EXD3: variants seen among roughly 807,000 people sequenced by gnomAD.
EXD3 encodes the protein exonuclease mut-7 homolog.
EXD3 carries 92 observed loss-of-function variants against 98.0 expected under a neutral mutation model. That is an observed-to-expected ratio of 0.94 (90% CI 0.79 to 1.12). EXD3 has a LOEUF of 1.12. Among genes scored for constraint, EXD3 ranks in the 50% most tolerant of loss-of-function variants. EXD3 has a pLI of 0.00. For missense variants in EXD3, 1,222 were observed against 1,191.6 expected (o/e 1.03, Z -0.38); for synonymous variants, 569 against 526.0 (o/e 1.08, Z -1.12).
chr9:137,371,743 C>T lies in EXD3; in HGVS notation c.462+1162G>A, dbSNP rs781058768. On this transcript the variant is annotated intron_variant, in intron 5 of 21. Coordinates refer to ENST00000340951, the MANE Select transcript of EXD3 (RefSeq NM_017820.5). This position sits in a 1 kb window ranked among gnomAD's most constrained non-coding sequence, Gnocchi z 8.0. ...ACCCCTGGGCCAAGCACCCCCGGGC[C>T]GAGCACCCCCAAGCAGGACATCCCC... is the stretch of plus-strand genomic sequence containing the variant. 4.6e-5 allele frequency among the ~76,000 whole-genome samples: 7 copies of T among 150,846 alleles called. No individual in the cohort carries two copies. Among genetic ancestry groups the T allele is most frequent in the East Asian group, 2.0e-4 (1 of 5,094 alleles).
rs556273989 is a variant in EXD3, at chr9:137,405,001, G to T, written c.-47-9597C>A. On this transcript the variant is annotated intron_variant, in intron 1 of 21. Transcript: ENST00000340951. The surrounding 1 kb of genome is among the most constrained non-coding windows in gnomAD (Gnocchi z 4.1). ...CACAGCCCTCCCAGGTGCTCGAGGG[G>T]ACACAGTGCTATCCCCCAGGCGAGC... Among the ~76,000 whole-genome samples, 7 of 152,268 alleles carry T rather than the reference G, an allele frequency of 4.6e-5. No homozygotes were observed. The South Asian group carries it at 1.4e-3, about 32-fold the overall frequency.
intron 2 of EXD3, among the ~76,000 whole-genome samples, chr9:137,383,832 G>T (rs186027629): frequency 6.7e-6 from 1 of 149,412 alleles, no homozygotes; most frequent in African/African-American, 2.4e-5. Flanking sequence ...CTCCCGCGCC[G>T]CCCCCTCCCT....
chr9:137,404,186 C>T (rs1837610331), intron 1 of EXD3, among the ~76,000 whole-genome samples: 1 of 152,216 alleles, frequency 6.6e-6, no homozygotes, highest in Non-Finnish European at 1.5e-5. Context: ...TGCCAAGACC[C>T]CATCTCCAAA....
rs1043463740 is a variant in EXD3, at chr9:137,407,061, C to T, written c.-47-11657G>A. On this transcript the variant is annotated intron_variant, in intron 1 of 21. Coordinates refer to ENST00000340951, the MANE Select transcript of EXD3 (RefSeq NM_017820.5). The surrounding 1 kb of genome is among the most constrained non-coding windows in gnomAD (Gnocchi z 4.4). ...CAGAACGCTCGCCAGCAAACCCGCC[C>T]GTTCACAGAGGCACCGGAGCGGGCG... is the stretch of plus-strand genomic sequence containing the variant. Among the ~76,000 whole-genome samples, 3 of 152,300 alleles carry T rather than the reference C, an allele frequency of 2.0e-5. No homozygotes were observed. In the South Asian group the frequency reaches 6.2e-4, roughly 32 times the overall value.
At chr9:137,362,671 A>T (rs1303184750) in intron 7 of EXD3, among the ~76,000 whole-genome samples, 1 of 152,046 alleles carries the variant, frequency 6.6e-6, no homozygotes, top group South Asian at 2.1e-4. Flanking sequence ...CCCTTTGCCC[A>T]TTTTAACTTG....
intron 1 of EXD3, among the ~76,000 whole-genome samples, chr9:137,422,283 GAGAA>G (rs1035192398): frequency 6.6e-6 from 1 of 152,068 alleles, no homozygotes; most frequent in Non-Finnish European, 1.5e-5. Context: ...GGGGGCAAAT[GAGAA>G]AGAAAAAAAT....
chr9:137,378,751 C>T (rs1836041833), intron 3 of EXD3, among the ~76,000 whole-genome samples: 1 of 152,250 alleles, frequency 6.6e-6, no homozygotes, highest in South Asian at 2.1e-4. Flanking sequence ...CAAAAGACCC[C>T]ATGTTATGTG....
At chr9:137,365,736 A>C (rs930033523) in intron 7 of EXD3, 1 of 316,452 alleles carries the variant, frequency 3.2e-6, no homozygotes, top group East Asian at 8.3e-5. Context: ...ACACACACCT[A>C]CAGGCACACA....
chr9:137,383,892 C>T (rs1033087472), intron 2 of EXD3, among the ~76,000 whole-genome samples: 1 of 152,218 alleles, frequency 6.6e-6, no homozygotes, highest in African/African-American at 2.4e-5. Context: ...AAGTGCCAAC[C>T]AAAGACGCTG....
chr9:137,367,498 T>A (rs956239586), intron 6 of EXD3: 4 of 161,088 alleles, frequency 2.5e-5, no homozygotes, highest in African/African-American at 9.6e-5. Context: ...GGATCTGCCA[T>A]CCCTGCAGAC....
rs1380196876 is a variant in EXD3 at position 137,330,590 on chromosome 9, A to G, written c.1999-6447T>C. Among the ~76,000 whole-genome samples, 13 of 125,796 alleles carry G rather than the reference A, an allele frequency of 1.0e-4. 1 individual carries two copies. The highest frequency in any genetic ancestry group is 4.0e-4 in the African/African-American group (13 of 32,838). The allele number at this position is 125,796 out of a possible 152,430, so 82.5% of individuals were successfully genotyped here. A position where few individuals can be genotyped will look rare whatever the true frequency, so the allele number is the denominator to read the frequency against. On this transcript the variant is annotated intron_variant, in intron 17 of 21. Coordinates refer to ENST00000340951, the MANE Select transcript of EXD3 (RefSeq NM_017820.5). ...CCACAGGAGCTACACAGGACTACAC[A>G]GGACTACACAGGACTACACAGGACT... is the stretch of plus-strand genomic sequence containing the variant.
Position 137,372,779 on chromosome 9 carries a change from G to A in EXD3, c.462+126C>T. On this transcript the variant is annotated intron_variant, in intron 5 of 21. Coordinates refer to ENST00000340951, the MANE Select transcript of EXD3 (RefSeq NM_017820.5). ...GATGGCTGCCCACGGCCGGGTCCTT[G>A]ATACCTCCATGTAGACCAGAAGCCC... The A allele has an allele frequency of 4.0e-6, 4 of 1,012,496 alleles. No individual in the cohort carries two copies. The South Asian group carries it at 6.5e-5, about 17-fold the overall frequency. 62.7% of individuals were successfully genotyped at this position (1,012,496 alleles called of 1,614,324 possible).
In EXD3 at chr9:137,348,145, C is replaced by T. The variant is rs1834033141; in HGVS notation, c.1924G>A (p.Ala642Thr). Residue 642 changes from alanine (A) to threonine (T), a missense_variant, in exon 17 of 22, where the codon GCA becomes ACA. Ala to Thr is a moderately conservative substitution (Grantham distance 58). Coordinates refer to ENST00000340951, the MANE Select transcript of EXD3 (RefSeq NM_017820.5). The stretch of plus-strand genomic sequence containing the variant: ...ACACCGAGACAGCGGAGGCTCCGTG[C>T]CAGCCCCTGCAGCATGTTGTCACAC... ...VVCDNMLQGL[A>T]RSLRCLGVDA... The T allele has an allele frequency of 6.2e-7, 1 of 1,612,030 alleles. No individual in the cohort carries two copies. Among genetic ancestry groups the T allele is most frequent in the Admixed American group, 1.7e-5 (1 of 59,958 alleles).
Position 137,349,149 on chromosome 9 carries a change from G to T in EXD3, c.1791C>A (p.Pro597=). 1 of 1,598,204 alleles carries T rather than the reference G, an allele frequency of 6.3e-7. No homozygotes were observed. The highest frequency in any genetic ancestry group is 8.5e-7 in the Non-Finnish European group (1 of 1,178,140). ...CCGGTGCTGACGCTTTCTGCAGGCC[G>T]GGTGGCTTCCGTGCCCCTGGTCTCT... ...HRERPGARKP[P]GLQKASAPAA... The change falls in exon 16 of 22, where the codon CCC becomes CCA. Residue 597 remains proline (P), a synonymous_variant. Transcript: ENST00000340951. The surrounding 1 kb of genome is among the most constrained non-coding windows in gnomAD (Gnocchi z 7.4).
Position 137,351,982 on chromosome 9 carries a change from C to T in EXD3, c.1173+84G>A, listed in dbSNP as rs75207837. The T allele has an allele frequency of 4.2e-4, 630 of 1,496,538 alleles. 2 individuals are homozygous for T. The African/African-American group carries it at 7.3e-3, about 17-fold the overall frequency. The allele number at this position is 1,496,538 out of a possible 1,614,324, so 92.7% of individuals were successfully genotyped here. On this transcript the variant is annotated intron_variant, in intron 12 of 21. Transcript: ENST00000340951. ...CATGCCCAGAGGCCTTGCCTCTCTC[C>T]GAATGCCATGCCCCTGATGCTCCTC...
chr9:137,332,646 A>C lies in EXD3; in HGVS notation c.1999-8503T>G, dbSNP rs187435673. On this transcript the variant is annotated intron_variant, in intron 17 of 21. Coordinates refer to ENST00000340951, the MANE Select transcript of EXD3 (RefSeq NM_017820.5). ...ATCACAAGGTCAGGAGATCGAGACCATCCTGGCTAAAACAGTGAAACCCCG... is the reference window on the plus strand; with the variant it reads ...ATCACAAGGTCAGGAGATCGAGACCCTCCTGGCTAAAACAGTGAAACCCCG... 7.8e-3 allele frequency among the ~76,000 whole-genome samples: 1,190 copies of C among 152,030 alleles called. 9 individuals are homozygous for C. Among genetic ancestry groups the C allele is most frequent in the African/African-American group, 0.012 (489 of 41,444 alleles).
chr9:137,325,717 G>A (rs1027320416), intron 17 of EXD3, among the ~76,000 whole-genome samples: 3 of 152,190 alleles, frequency 2.0e-5, no homozygotes, highest in Non-Finnish European at 4.4e-5. Context: ...ACAGGTGTGA[G>A]CCACCGCACC....
intron 1 of EXD3, among the ~76,000 whole-genome samples, chr9:137,415,962 G>T (rs1838212908): frequency 6.6e-6 from 1 of 152,232 alleles, no homozygotes; most frequent in South Asian, 2.1e-4. Context: ...TCTGCCGACG[G>T]TGCCTCTGTG....
At chr9:137,355,365 C>A (rs533806305) in intron 8 of EXD3, among the ~76,000 whole-genome samples, 2 of 151,216 alleles carry the variant, frequency 1.3e-5, no homozygotes, top group South Asian at 2.1e-4. Context: ...CCACCCCCCA[C>A]GCCCAGAGCG....
Sources: allele counts gnomAD v4.1 joint callset (sites outside exome capture counted in the v4.1 genomes callset), GRCh38; gene constraint gnomAD v4.1.1; non-coding constraint Gnocchi (gnomAD v3.1); transcripts MANE v1.5; gene names NCBI Gene and HGNC (gene_info 2026-07-23, HGNC 2026-07-21).